L3MBTL4: variants seen among roughly 807,000 people sequenced by gnomAD.
The protein encoded by L3MBTL4 is L3MBTL histone methyl-lysine binding protein 4.
Under a neutral mutation model 84.5 loss-of-function variants are expected in L3MBTL4, and 70 were observed. The observed-to-expected ratio is 0.83, with a 90% CI of 0.68 to 1.01. The LOEUF (loss-of-function observed/expected upper bound fraction) is 1.01, where lower values mean the gene tolerates loss of function less well. Among genes scored for constraint, L3MBTL4 ranks in the 50% least tolerant of loss-of-function variants. L3MBTL4 has a pLI of 0.00. For synonymous variants in L3MBTL4, 274 were observed against 259.8 expected (o/e 1.05, Z -0.52); for missense variants, 715 against 754.8 (o/e 0.95, Z 0.62).
chr18:6,252,137 C>T (rs375586601), intron 5 of L3MBTL4, among the ~76,000 whole-genome samples: 2 of 152,148 alleles, frequency 1.3e-5, no homozygotes, highest in Non-Finnish European at 2.9e-5. Flanking sequence ...CATGGCTAAA[C>T]CCCGTCTCTA....
intron 14 of L3MBTL4, among the ~76,000 whole-genome samples, chr18:6,132,930 T>C (rs867292457): frequency 2.0e-5 from 3 of 152,188 alleles, no homozygotes; most frequent in African/African-American, 4.8e-5. Flanking sequence ...GATGCTCTGC[T>C]ACCTTAAAAA....
chr18:6,142,798 G>T (rs111857110), intron 13 of L3MBTL4, among the ~76,000 whole-genome samples: 2,583 of 152,142 alleles, frequency 0.017, 79 homozygotes, highest in African/African-American at 0.058. Context: ...GGCATGTACC[G>T]ATAGTCCTAG....
rs145233630 is a variant in L3MBTL4, at chr18:6,215,466, G to C, written c.870+284C>G. On this transcript the variant is annotated intron_variant, in intron 11 of 18. Coordinates refer to ENST00000317931, the MANE Select transcript of L3MBTL4 (RefSeq NM_001330559.2). ...CTCACTCAGCAGACTAATAGAACCA[G>C]AAATGTAAGGAATGGATCATCAGCA... Among the ~76,000 whole-genome samples the C allele has an allele frequency of 3.3e-4, 50 of 152,226 alleles. 1 individual carries two copies. In the East Asian group the frequency reaches 9.6e-3, roughly 29 times the overall value.
intron 16 of L3MBTL4, among the ~76,000 whole-genome samples, chr18:5,975,521 C>G (rs1424579700): frequency 6.6e-6 from 1 of 152,202 alleles, no homozygotes; most frequent in South Asian, 2.1e-4. Context: ...AGGAAATGTT[C>G]AGAGATGGCT....
At chr18:5,992,533 C>G (rs901984326) in intron 16 of L3MBTL4, among the ~76,000 whole-genome samples, 1 of 152,150 alleles carries the variant, frequency 6.6e-6, no homozygotes, top group Admixed American at 6.5e-5. Context: ...TGCCTGCCCC[C>G]ACCCAAATCT....
intron 16 of L3MBTL4, among the ~76,000 whole-genome samples, chr18:6,048,713 C>T (rs571831540): frequency 2.6e-5 from 4 of 151,016 alleles, no homozygotes; most frequent in African/African-American, 4.9e-5. Context: ...CGCTTGAACC[C>T]GGGAGGCGGA....
intron 16 of L3MBTL4, among the ~76,000 whole-genome samples, chr18:6,010,224 A>G (rs2054672935): frequency 6.6e-6 from 1 of 152,206 alleles, no homozygotes. Context: ...ATTAAAATAT[A>G]AAAGCCAGAA....
At chr18:6,254,503 C>T (rs1244338127) in intron 5 of L3MBTL4, among the ~76,000 whole-genome samples, 1 of 147,508 alleles carries the variant, frequency 6.8e-6, no homozygotes, top group Non-Finnish European at 1.5e-5. Flanking sequence ...TGCTACAAAG[C>T]TGCAGTTAAG....
chr18:6,128,971 G>A (rs1475458463), intron 14 of L3MBTL4, among the ~76,000 whole-genome samples: 2 of 151,864 alleles, frequency 1.3e-5, no homozygotes, highest in Non-Finnish European at 2.9e-5. Context: ...TGTATTTTTA[G>A]GTCACATTGT....
intron 14 of L3MBTL4, among the ~76,000 whole-genome samples, chr18:6,112,581 C>T (rs933025935): frequency 2.0e-5 from 3 of 152,118 alleles, no homozygotes; most frequent in Admixed American, 6.6e-5. Flanking sequence ...TCTGGATAAG[C>T]GCAGGATGTC....
chr18:6,061,314 T>C (rs1568049709), intron 16 of L3MBTL4, among the ~76,000 whole-genome samples: 1 of 152,140 alleles, frequency 6.6e-6, no homozygotes, highest in Non-Finnish European at 1.5e-5. Context: ...TGTTCAGATC[T>C]TTGGCCTTTG....
intron 15 of L3MBTL4, among the ~76,000 whole-genome samples, chr18:6,092,237 A>G (rs1200162266): frequency 6.6e-6 from 1 of 152,220 alleles, no homozygotes; most frequent in African/African-American, 2.4e-5. Context: ...AAATGCTCTA[A>G]AATAACATGT....
intron 12 of L3MBTL4, among the ~76,000 whole-genome samples, chr18:6,178,155 C>T (rs1345279625): frequency 6.6e-6 from 1 of 152,034 alleles, no homozygotes; most frequent in Non-Finnish European, 1.5e-5. Context: ...TTTACATACC[C>T]TATTCAACAT....
chr18:6,172,036 A>T (rs1568251728), intron 12 of L3MBTL4, 94 bp from the exon 13 acceptor site: 3 of 597,082 alleles, frequency 5.0e-6, no homozygotes, highest in Non-Finnish European at 5.9e-6. Flanking sequence ...TGAAGCTGAG[A>T]TTGAAATTTT....
intron 16 of L3MBTL4, among the ~76,000 whole-genome samples, chr18:6,077,619 G>A (rs1224290218): frequency 5.9e-5 from 9 of 151,796 alleles, no homozygotes; most frequent in Non-Finnish European, 1.3e-4. Flanking sequence ...AACAGAATCT[G>A]CGTGTGCATC....
At chr18:6,034,298 T>TC (rs1362653327) in intron 16 of L3MBTL4, among the ~76,000 whole-genome samples, 1 of 150,974 alleles carries the variant, frequency 6.6e-6, no homozygotes, top group Non-Finnish European at 1.5e-5. Context: ...CCCTCCCCGC[T>TC]CCCCCCACCC....
In L3MBTL4 at chr18:6,031,020, A is replaced by G. The variant is rs969175343; in HGVS notation, c.1444+49861T>C. 3.0e-6 allele frequency: 3 copies of G among 985,202 alleles called. No homozygotes were observed. The African/African-American group carries it at 5.2e-5, about 17-fold the overall frequency. 61.0% of individuals were successfully genotyped at this position (985,202 alleles called of 1,614,324 possible). A position where few individuals can be genotyped will look rare whatever the true frequency, so the allele number is the denominator to read the frequency against. On this transcript the variant is annotated intron_variant, in intron 16 of 18. Transcript: ENST00000317931. ...CTTTACCAAGCTGGTCCATGTTTCC[A>G]TTTTATAGTTGCTCTCTGGCTGGAC...
rs139613072 is a variant in L3MBTL4, at chr18:6,285,809, ATATTAT to A, written c.127+16088_127+16093del. ...GGACCAATGAACTTTTTTAAAAGAT[ATATTAT>A]TATTATTATTATTATTATTATTATT... On this transcript the variant is annotated intron_variant, in intron 4 of 18. Coordinates refer to ENST00000317931, the MANE Select transcript of L3MBTL4 (RefSeq NM_001330559.2). 3.7e-3 allele frequency among the ~76,000 whole-genome samples: 525 copies of A among 143,226 alleles called. 1 individual carries two copies. Among genetic ancestry groups the A allele is most frequent in the African/African-American group, 0.012 (454 of 38,814 alleles). 94.0% of individuals were successfully genotyped at this position (143,226 alleles called of 152,430 possible). A position where few individuals can be genotyped will look rare whatever the true frequency, so the allele number is the denominator to read the frequency against.
intron 14 of L3MBTL4, among the ~76,000 whole-genome samples, chr18:6,137,303 A>C (rs1182874532): frequency 6.6e-6 from 1 of 152,222 alleles, no homozygotes; most frequent in Non-Finnish European, 1.5e-5. Flanking sequence ...ATTTACACAT[A>C]TCACATTTAT....
Sources: gnomAD v4.1 joint callset for allele counts (sites outside exome capture counted in the v4.1 genomes callset) on GRCh38, gnomAD v4.1.1 for gene constraint, MANE v1.5 for transcripts, NCBI Gene and HGNC (gene_info 2026-07-23, HGNC 2026-07-21) for gene names.